The following PDSS2 variants were observed in gnomAD, a reference collection of about 807,000 sequenced individuals.
PDSS2 encodes the protein all trans-polyprenyl-diphosphate synthase PDSS2.
PDSS2 carries 31 observed loss-of-function variants against 44.5 expected under a neutral mutation model. That is an observed-to-expected ratio of 0.70 (90% CI 0.52 to 0.94). The LOEUF (loss-of-function observed/expected upper bound fraction) is 0.94, where lower values mean the gene tolerates loss of function less well. Ranked by LOEUF, PDSS2 falls within the 40% of genes least tolerant of loss-of-function variation. The pLI is 0.00. For synonymous variants in PDSS2, 157 were observed against 180.3 expected (o/e 0.87, Z 1.03); for missense variants, 452 against 482.2 (o/e 0.94, Z 0.59).
chr6:107,385,683 A>G (rs1779589442), intron 1 of PDSS2, among the ~76,000 whole-genome samples: 1 of 152,136 alleles, frequency 6.6e-6, no homozygotes, highest in Non-Finnish European at 1.5e-5. Flanking sequence ...AGGACATTAA[A>G]ACCAAGAGAA....
At chr6:107,185,876 C>G (rs1772147740) in intron 7 of PDSS2, among the ~76,000 whole-genome samples, 1 of 152,206 alleles carries the variant, frequency 6.6e-6, no homozygotes, top group Non-Finnish European at 1.5e-5. Flanking sequence ...GCACCTAGGG[C>G]TGCAGGACAG....
intron 1 of PDSS2, among the ~76,000 whole-genome samples, chr6:107,427,781 A>C (rs1052301056): frequency 6.6e-6 from 1 of 152,202 alleles, no homozygotes; most frequent in African/African-American, 2.4e-5. Context: ...TTTGTAATGC[A>C]TATGAGTATT....
At chr6:107,175,814 TTTG>T (rs1266371260) in intron 7 of PDSS2, among the ~76,000 whole-genome samples, 8 of 152,214 alleles carry the variant, frequency 5.3e-5, no homozygotes, top group Admixed American at 1.3e-4. Context: ...GTCATACTTT[TTTG>T]TTGTTGTTGT....
intron 7 of PDSS2, among the ~76,000 whole-genome samples, chr6:107,162,714 C>G (rs1344546461): frequency 3.4e-5 from 5 of 147,186 alleles, no homozygotes; most frequent in Non-Finnish European, 5.9e-5. Context: ...AAGCAATTCT[C>G]CTGCCTCAGC....
chr6:107,330,932 T>C (rs1777691806), intron 2 of PDSS2, among the ~76,000 whole-genome samples: 1 of 152,166 alleles, frequency 6.6e-6, no homozygotes, highest in Non-Finnish European at 1.5e-5. Context: ...TCACTAGACA[T>C]CCACAGCACC....
intron 1 of PDSS2, among the ~76,000 whole-genome samples, chr6:107,386,267 AAAGATTTGTAC>A (rs1281510416): frequency 6.6e-6 from 1 of 152,206 alleles, no homozygotes; most frequent in Non-Finnish European, 1.5e-5. Flanking sequence ...AATAATTTAC[AAAGATTTGTAC>A]AATGAGGAAC....
chr6:107,186,299 G>A (rs1427775326), intron 7 of PDSS2, among the ~76,000 whole-genome samples: 2 of 152,162 alleles, frequency 1.3e-5, no homozygotes, highest in African/African-American at 2.4e-5. Context: ...CTAGCTGAGT[G>A]TCTGTGTACA....
chr6:107,430,392 C>G (rs1022703150), intron 1 of PDSS2, among the ~76,000 whole-genome samples: 2 of 152,046 alleles, frequency 1.3e-5, no homozygotes, highest in East Asian at 3.9e-4. Flanking sequence ...CTCAGCTACT[C>G]AGAAGGCTGA....
At chr6:107,215,824 C>T (rs1562381927) in intron 4 of PDSS2, among the ~76,000 whole-genome samples, 1 of 151,868 alleles carries the variant, frequency 6.6e-6, no homozygotes, top group African/African-American at 2.4e-5. Flanking sequence ...ATTATGAATA[C>T]AAAAATAAAA....
chr6:107,263,806 G>A (rs993885689), intron 3 of PDSS2, among the ~76,000 whole-genome samples: 3 of 152,124 alleles, frequency 2.0e-5, no homozygotes, highest in Non-Finnish European at 4.4e-5. Flanking sequence ...AACTGAAGAA[G>A]CTAATTTTGG....
chr6:107,206,777 G>A (rs1309574693), intron 6 of PDSS2, among the ~76,000 whole-genome samples: 1 of 152,148 alleles, frequency 6.6e-6, no homozygotes, highest in East Asian at 1.9e-4. Context: ...CAGCTCATAA[G>A]GGCTGGACAA....
intron 7 of PDSS2, among the ~76,000 whole-genome samples, chr6:107,159,714 G>C (rs556237341): frequency 2.6e-5 from 4 of 151,718 alleles, no homozygotes; most frequent in Admixed American, 6.6e-5. Flanking sequence ...CACTGCGCTG[G>C]GCCAAGCTCC....
intron 1 of PDSS2, among the ~76,000 whole-genome samples, chr6:107,335,055 C>T (rs771108227): frequency 6.6e-5 from 10 of 150,398 alleles, no homozygotes; most frequent in Non-Finnish European, 1.0e-4. Flanking sequence ...AGGAGGCTGA[C>T]GACGGAGAAT....
At chr6:107,224,123 A>C (rs547745173) in intron 4 of PDSS2, among the ~76,000 whole-genome samples, 1 of 151,442 alleles carries the variant, frequency 6.6e-6, no homozygotes, top group East Asian at 1.9e-4. Context: ...GCTGTATTCT[A>C]GGTGTGCAAG....
intron 1 of PDSS2, among the ~76,000 whole-genome samples, chr6:107,411,168 G>A (rs1287699507): frequency 6.6e-6 from 1 of 152,158 alleles, no homozygotes; most frequent in Admixed American, 6.5e-5. Flanking sequence ...TTACAGGCGT[G>A]AGCCACTGCA....
chr6:107,334,709 T>TA (rs55678823), intron 1 of PDSS2, among the ~76,000 whole-genome samples: 22,701 of 119,040 alleles, frequency 0.19, 2,044 homozygotes, highest in African/African-American at 0.23. Context: ...CTCAGCTAAT[T>TA]AAAAAAAAAA....
rs146615454 is a variant in PDSS2 at position 107,182,465 on chromosome 6, T to C, written c.1041+11357A>G. Reference sequence around the variant, plus strand: ...TCAGCCTCCTGAGTAGCTGGGACTATAGGTACCCGCCACCACACCAGGCTA... The same window carrying C: ...TCAGCCTCCTGAGTAGCTGGGACTACAGGTACCCGCCACCACACCAGGCTA... On this transcript the variant is annotated intron_variant, in intron 7 of 7. Transcript: ENST00000369037. Among the ~76,000 whole-genome samples the C allele has an allele frequency of 2.0e-3, 305 of 152,214 alleles. 3 individuals are homozygous for C. Among genetic ancestry groups the C allele is most frequent in the African/African-American group, 6.5e-3 (272 of 41,562 alleles).
intron 1 of PDSS2, among the ~76,000 whole-genome samples, chr6:107,373,507 A>G (rs963426319): frequency 2.0e-5 from 3 of 152,204 alleles, no homozygotes; most frequent in Admixed American, 6.5e-5. Flanking sequence ...GAATCTAGAG[A>G]CAGACTGTAG....
intron 1 of PDSS2, among the ~76,000 whole-genome samples, chr6:107,364,317 G>T (rs1007422105): frequency 6.6e-6 from 1 of 151,608 alleles, no homozygotes; most frequent in Non-Finnish European, 1.5e-5. Context: ...GGGGAGGTTC[G>T]GGCCGCACAG....
Sources: allele counts gnomAD v4.1 joint callset (sites outside exome capture counted in the v4.1 genomes callset), GRCh38; gene constraint gnomAD v4.1.1; transcripts MANE v1.5; gene names NCBI Gene and HGNC (gene_info 2026-07-23, HGNC 2026-07-21).